The following VEPH1 variants were observed in gnomAD, a reference collection of about 807,000 sequenced individuals.
VEPH1 encodes the protein ventricular zone-expressed PH domain-containing protein homolog 1.
Under a neutral mutation model 85.2 loss-of-function variants are expected in VEPH1, and 80 were observed. That is an observed-to-expected ratio of 0.94 (90% CI 0.78 to 1.13). The LOEUF is 1.13. VEPH1 is among the 50% of genes most tolerant of loss of function. The pLI is 0.00. For synonymous variants in VEPH1, 297 were observed against 348.0 expected (o/e 0.85, Z 1.63); for missense variants, 955 against 980.5 (o/e 0.97, Z 0.35).
intron 5 of VEPH1, among the ~76,000 whole-genome samples, chr3:157,424,074 A>T (rs988920068): frequency 5.3e-5 from 8 of 152,198 alleles, no homozygotes; most frequent in African/African-American, 2.4e-5. Flanking sequence ...TACTCCCATA[A>T]TTCCCACATG....
At chr3:157,376,208 A>G (rs1250363878) in intron 7 of VEPH1, among the ~76,000 whole-genome samples, 1 of 152,026 alleles carries the variant, frequency 6.6e-6, no homozygotes, top group Non-Finnish European at 1.5e-5. Flanking sequence ...TCCATCCCCA[A>G]CTGGGGCCTG....
At chr3:157,437,716 A>T (rs1025792048) in intron 4 of VEPH1, 2 of 1,530,490 alleles carry the variant, frequency 1.3e-6, no homozygotes, top group Non-Finnish European at 1.7e-6. Flanking sequence ...CGCAGAGGCC[A>T]GGCTGACCAG....
chr3:157,328,890 C>G (rs1722207540), intron 9 of VEPH1, among the ~76,000 whole-genome samples: 1 of 152,160 alleles, frequency 6.6e-6, no homozygotes, highest in African/African-American at 2.4e-5. Context: ...ATGAAGTAGA[C>G]ACTTCCAGTT....
intron 2 of VEPH1, among the ~76,000 whole-genome samples, chr3:157,475,418 A>G (rs1052107215): frequency 1.8e-4 from 27 of 152,352 alleles, no homozygotes; most frequent in South Asian, 1.4e-3. Context: ...CCATTTATAT[A>G]AAGTGATATG....
At chr3:157,334,474 A>C (rs1722779729) in intron 9 of VEPH1, among the ~76,000 whole-genome samples, 1 of 152,206 alleles carries the variant, frequency 6.6e-6, no homozygotes, top group Non-Finnish European at 1.5e-5. Context: ...TCATTAATGC[A>C]GCTGCTGTAA....
At position 157,265,663 on chromosome 3, in the gene VEPH1, CT is replaced by C; in HGVS notation, c.2129-2del. The C allele has an allele frequency of 6.2e-7, 1 of 1,612,608 alleles. No individual in the cohort carries two copies. The highest frequency in any genetic ancestry group is 8.5e-7 in the Non-Finnish European group (1 of 1,179,324). ...AGAGGCTGGCCATCTTGATTTACAA[CT>C]GTTGAAGGTAGCAGAATAATCATGC... is the stretch of plus-strand genomic sequence containing the variant. On this transcript the variant is annotated splice_acceptor_variant, in intron 12 of 13. Transcript: ENST00000362010. LOFTEE classifies it high-confidence loss of function.
At chr3:157,375,887 C>T (rs1728041972) in intron 7 of VEPH1, among the ~76,000 whole-genome samples, 1 of 152,210 alleles carries the variant, frequency 6.6e-6, no homozygotes, top group South Asian at 2.1e-4. Flanking sequence ...ACGCAACATT[C>T]ATGTAACTAA....
chr3:157,397,647 A>G (rs1008227899), intron 6 of VEPH1, among the ~76,000 whole-genome samples: 14 of 152,082 alleles, frequency 9.2e-5, no homozygotes, highest in Admixed American at 3.9e-4. Flanking sequence ...TCCCTTGTTA[A>G]CTGTATTCCT....
Position 157,495,242 on chromosome 3 carries a change from C to T in VEPH1, c.108G>A (p.Leu36=), listed in dbSNP as rs745861044. 7 of 1,613,852 alleles carry T rather than the reference C, an allele frequency of 4.3e-6. No individual in the cohort carries two copies. Among genetic ancestry groups the T allele is most frequent in the Non-Finnish European group, 5.9e-6 (7 of 1,179,864 alleles). The change falls in exon 2 of 14, where the codon TTG becomes TTA. Residue 36 remains leucine, a synonymous_variant. Transcript: ENST00000362010. The stretch of plus-strand genomic sequence containing the variant: ...ATGAGCTAATTATCTTAATTTGCTC[C>T]AAAGCTTCTGTAAGGCTGTCTTCAA... ...SEIEDSLTEA[L]EQIKIISSSS...
At chr3:157,350,919 C>T (rs371981117) in intron 9 of VEPH1, among the ~76,000 whole-genome samples, 5 of 152,070 alleles carry the variant, frequency 3.3e-5, no homozygotes, top group Non-Finnish European at 2.9e-5. Context: ...ACATGCTGTT[C>T]GGAATACAAA....
intron 5 of VEPH1, among the ~76,000 whole-genome samples, chr3:157,423,406 G>A (rs1197294885): frequency 6.6e-6 from 1 of 152,210 alleles, no homozygotes; most frequent in Non-Finnish European, 1.5e-5. Flanking sequence ...CACAGTTGGG[G>A]TACCCAATTG....
chr3:157,481,433 A>AACACACACACACACACACACACAC (rs1177654727), intron 2 of VEPH1, among the ~76,000 whole-genome samples: 1 of 38,664 alleles, frequency 2.6e-5, no homozygotes. Flanking sequence ...TATGGAACCA[A>AACACACACACACACACACACACAC]ACACACACAC....
chr3:157,409,932 G>C, intron 6 of VEPH1: 1 of 985,246 alleles, frequency 1.0e-6, no homozygotes, highest in Non-Finnish European at 1.2e-6. Context: ...AACAAAGGAG[G>C]TATGCTCTGA....
intron 3 of VEPH1, among the ~76,000 whole-genome samples, chr3:157,468,964 G>A (rs562746545): frequency 2.0e-5 from 3 of 152,240 alleles, no homozygotes; most frequent in East Asian, 3.9e-4. Flanking sequence ...ATTCGATAGT[G>A]CTGCCCTAAA....
At chr3:157,346,944 T>C (rs1019754486) in intron 9 of VEPH1, among the ~76,000 whole-genome samples, 3 of 152,174 alleles carry the variant, frequency 2.0e-5, no homozygotes, top group African/African-American at 7.2e-5. Context: ...CTTTTATTTA[T>C]ATAGTTATTG....
intron 4 of VEPH1, among the ~76,000 whole-genome samples, chr3:157,441,141 T>C (rs986129098): frequency 3.3e-5 from 5 of 152,186 alleles, no homozygotes; most frequent in African/African-American, 4.8e-5. Flanking sequence ...AGTAACACCA[T>C]CTGGATTCTA....
intron 9 of VEPH1, among the ~76,000 whole-genome samples, chr3:157,319,268 G>A (rs1440957309): frequency 6.6e-6 from 1 of 152,168 alleles, no homozygotes; most frequent in African/African-American, 2.4e-5. Flanking sequence ...CAGTGTTCTT[G>A]TATAAAATCA....
intron 9 of VEPH1, among the ~76,000 whole-genome samples, chr3:157,321,879 G>A (rs1399058949): frequency 1.3e-5 from 2 of 151,832 alleles, no homozygotes; most frequent in African/African-American, 4.8e-5. Flanking sequence ...GCTCCATGAG[G>A]GTAATGATTT....
chr3:157,481,876 T>C (rs1223988085), intron 2 of VEPH1, among the ~76,000 whole-genome samples: 1 of 149,278 alleles, frequency 6.7e-6, no homozygotes, highest in African/African-American at 2.5e-5. Context: ...GTTTTTGACT[T>C]TGTCAAAACA....
Sources: gnomAD v4.1 joint callset for allele counts (sites outside exome capture counted in the v4.1 genomes callset) on GRCh38, gnomAD v4.1.1 for gene constraint, MANE v1.5 for transcripts, NCBI Gene and HGNC (gene_info 2026-07-23, HGNC 2026-07-21) for gene names.